The following TRIM44 variants were observed in gnomAD, a reference collection of about 807,000 sequenced individuals.
TRIM44 encodes the protein tripartite motif containing 44, also known as tripartite motif-containing protein 44.
TRIM44 carries 13 observed loss-of-function variants against 37.4 expected under a neutral mutation model. The ratio of observed to expected loss-of-function variants is 0.35; its 90% CI spans 0.23 to 0.55. The LOEUF is 0.55. Among genes scored for constraint, TRIM44 ranks in the 20% least tolerant of loss-of-function variants. TRIM44 has a pLI of 0.89. For missense variants in TRIM44, 426 were observed against 437.2 expected (o/e 0.97, Z 0.23); for synonymous variants, 175 against 157.2 (o/e 1.11, Z -0.85).
chr11:35,807,687 A>ATAT lies in TRIM44; in HGVS notation c.*1306_*1308dup, dbSNP rs1204353584. On this transcript the variant is annotated 3_prime_UTR_variant, in exon 5 of 5. Coordinates refer to ENST00000299413, the MANE Select transcript of TRIM44 (RefSeq NM_017583.6). Reference sequence around the variant, plus strand: ...GATGACCTATTTTTATATAAAAGTTATATTATAGAATAAAATGTTCATACG... The same window carrying ATAT: ...GATGACCTATTTTTATATAAAAGTTATATTATTATAGAATAAAATGTTCATACG... 1 of 152,244 alleles carries ATAT rather than the reference A, an allele frequency of 6.6e-6. No individual in the cohort carries two copies. Among genetic ancestry groups the ATAT allele is most frequent in the African/African-American group, 2.4e-5 (1 of 41,462 alleles). 9.4% of individuals were successfully genotyped at this position (152,244 alleles called of 1,614,324 possible).
At chr11:35,674,235 C>CGTGT (rs113167193) in intron 1 of TRIM44, among the ~76,000 whole-genome samples, 32,550 of 149,882 alleles carry the variant, frequency 0.22, 3,955 homozygotes, top group African/African-American at 0.34. Flanking sequence ...AGAGAATTTG[C>CGTGT]GTGTGTGTGT....
intron 1 of TRIM44, among the ~76,000 whole-genome samples, chr11:35,674,032 A>G (rs12417224): frequency 0.16 from 24,337 of 151,932 alleles, 2,205 homozygotes; most frequent in Admixed American, 0.3. Context: ...ATTCAGAACC[A>G]GGGGCTAAAC....
chr11:35,731,506 AG>A (rs1852259214), intron 3 of TRIM44, among the ~76,000 whole-genome samples: 1 of 152,152 alleles, frequency 6.6e-6, no homozygotes, highest in Admixed American at 6.5e-5. Context: ...TTTGTTCATA[AG>A]GCATATTGGT....
rs78785814 is a variant in TRIM44 at position 35,754,118 on chromosome 11, T to C, written c.1007+18673T>C. 0.014 allele frequency among the ~76,000 whole-genome samples: 2,113 copies of C among 152,322 alleles called. 116 individuals are homozygous for C. The East Asian group carries it at 0.14, about 10-fold the overall frequency. On this transcript the variant is annotated intron_variant, in intron 4 of 4. Coordinates refer to ENST00000299413, the MANE Select transcript of TRIM44 (RefSeq NM_017583.6). ...ACTAGTAAGTACTAAGCATTTTACA[T>C]GTGAGTATTAGTGTGGGCCTTCAGA...
At chr11:35,758,074 G>A (rs992200997) in intron 4 of TRIM44, among the ~76,000 whole-genome samples, 3 of 152,128 alleles carry the variant, frequency 2.0e-5, no homozygotes, top group Non-Finnish European at 4.4e-5. Flanking sequence ...CTGTCTCGTT[G>A]ATCTGTCTAA....
At position 35,812,412 on chromosome 11, in the gene TRIM44, T is replaced by C. The variant is rs1406368651; in HGVS notation, c.*6027T>C. 1.3e-5 allele frequency: 2 copies of C among 152,216 alleles called. No homozygotes were observed. The highest frequency in any genetic ancestry group is 4.8e-5 in the African/African-American group (2 of 41,464). 9.4% of individuals were successfully genotyped at this position (152,216 alleles called of 1,614,324 possible). On this transcript the variant is annotated 3_prime_UTR_variant, in exon 5 of 5. Transcript: ENST00000299413. ...AACTATTGTAATCTCCAGGTTTAAATCATTCATTTATGTTAATAAGAGCTG... is the reference window on the plus strand; with the variant it reads ...AACTATTGTAATCTCCAGGTTTAAACCATTCATTTATGTTAATAAGAGCTG...
Position 35,663,019 on chromosome 11 carries a change from A to G in TRIM44, c.-93A>G, listed in dbSNP as rs1029701786. ...CCAGGCGGGAGGCGACTCCCTAGGA[A>G]GGGACCCGGGGCGGGAGGAGGAAGT... On this transcript the variant is annotated 5_prime_UTR_variant, in exon 1 of 5. Transcript: ENST00000299413. 7.0e-7 allele frequency: 1 copy of G among 1,432,578 alleles called. No individual in the cohort carries two copies. The highest frequency in any genetic ancestry group is 9.1e-7 in the Non-Finnish European group (1 of 1,099,290). 88.7% of individuals were successfully genotyped at this position (1,432,578 alleles called of 1,614,324 possible).
chr11:35,720,185 T>C (rs567613841), intron 2 of TRIM44, among the ~76,000 whole-genome samples: 64 of 152,352 alleles, frequency 4.2e-4, no homozygotes, highest in African/African-American at 1.5e-3. Context: ...TCTATTTATT[T>C]CTTCTTTGAA....
intron 2 of TRIM44, among the ~76,000 whole-genome samples, chr11:35,715,978 C>T (rs979040483): frequency 1.1e-4 from 16 of 152,178 alleles, no homozygotes; most frequent in Non-Finnish European, 1.9e-4. Context: ...CCAGTCATCT[C>T]CCACCAGGCC....
intron 4 of TRIM44, among the ~76,000 whole-genome samples, chr11:35,785,409 A>C (rs1853118499): frequency 6.6e-6 from 1 of 152,258 alleles, no homozygotes; most frequent in Non-Finnish European, 1.5e-5. Flanking sequence ...TGCAGAAAGA[A>C]GAATGGATAG....
intron 2 of TRIM44, among the ~76,000 whole-genome samples, chr11:35,719,770 A>G (rs1852079301): frequency 6.6e-6 from 1 of 152,120 alleles, no homozygotes; most frequent in South Asian, 2.1e-4. Flanking sequence ...TTTCATGTGG[A>G]TGTCTAGTTG....
chr11:35,687,010 C>A (rs1459058058), intron 2 of TRIM44, among the ~76,000 whole-genome samples: 2 of 152,192 alleles, frequency 1.3e-5, no homozygotes, highest in Non-Finnish European at 1.5e-5. Context: ...GTAGCATTTT[C>A]TTCCTACTTT....
At chr11:35,692,947 A>G (rs1851654155) in intron 2 of TRIM44, among the ~76,000 whole-genome samples, 1 of 151,958 alleles carries the variant, frequency 6.6e-6, no homozygotes, top group Admixed American at 6.6e-5. Flanking sequence ...AAAAAGAAAA[A>G]CTTTAGCCGA....
intron 4 of TRIM44, among the ~76,000 whole-genome samples, chr11:35,771,450 G>A (rs193039661): frequency 2.6e-5 from 4 of 152,264 alleles, no homozygotes; most frequent in South Asian, 2.1e-4. Flanking sequence ...TTTTGGATGC[G>A]CACGGTGGCT....
In TRIM44 at chr11:35,781,350, C is replaced by T. The variant is rs569412506; in HGVS notation, c.1008-25008C>T. On this transcript the variant is annotated intron_variant, in intron 4 of 4. Transcript: ENST00000299413. ...ATTATTTTTCTAGGTATTTTGGCAG[C>T]GGGGCTAGTAATCTTACTTCAAGAA... Among the ~76,000 whole-genome samples the T allele has an allele frequency of 5.9e-5, 9 of 152,144 alleles. No homozygotes were observed. In the South Asian group the frequency reaches 6.2e-4, roughly 11 times the overall value.
rs542964613 is a variant in TRIM44 at position 35,705,830 on chromosome 11, C to T, written c.748-20094C>T. Among the ~76,000 whole-genome samples, 286 of 148,008 alleles carry T rather than the reference C, an allele frequency of 1.9e-3. 8 individuals are homozygous for T. The highest frequency in any genetic ancestry group is 6.7e-3 in the African/African-American group (275 of 41,082). On this transcript the variant is annotated intron_variant, in intron 2 of 4. Transcript: ENST00000299413. ...AAGCAGGAAAGATCCAAAATTGATA[C>T]CCTAACATCACAATTAAAAGAACTA...
At chr11:35,746,446 CTTTTTTTT>C (rs5791065) in intron 4 of TRIM44, among the ~76,000 whole-genome samples, 1 of 93,190 alleles carries the variant, frequency 1.1e-5, no homozygotes, top group East Asian at 3.3e-4. Flanking sequence ...GGGGGTCCTT[CTTTTTTTT>C]TTTTTTTTTT....
intron 4 of TRIM44, among the ~76,000 whole-genome samples, chr11:35,786,347 G>A (rs1853130633): frequency 6.6e-6 from 1 of 152,176 alleles, no homozygotes; most frequent in African/African-American, 2.4e-5. Flanking sequence ...CCTTTTAGAT[G>A]GTTATTGACA....
At chr11:35,804,900 G>T (rs964697871) in intron 4 of TRIM44, among the ~76,000 whole-genome samples, 2 of 152,174 alleles carry the variant, frequency 1.3e-5, no homozygotes, top group African/African-American at 4.8e-5. Flanking sequence ...CTTAGTGGAA[G>T]TTCTAGAAAT....
Sources: gnomAD v4.1 joint callset for allele counts (sites outside exome capture counted in the v4.1 genomes callset) on GRCh38, gnomAD v4.1.1 for gene constraint, MANE v1.5 for transcripts, NCBI Gene and HGNC (gene_info 2026-07-23, HGNC 2026-07-21) for gene names.